Variants in DIP2C observed in about 807,000 individuals in gnomAD.
DIP2C encodes the protein DIP2 acetate--CoA ligase C (putative), also known as disco-interacting protein 2 homolog C.
In DIP2C, 33 loss-of-function variants were observed where a neutral mutation model predicts 192.4. The ratio of observed to expected loss-of-function variants is 0.17; its 90% confidence interval spans 0.13 to 0.23. The LOEUF is 0.23. DIP2C is among the 10% of genes least tolerant of loss of function. The pLI is 1.00. For missense variants in DIP2C, 1,537 were observed against 2,110.1 expected (o/e 0.73, Z 5.32); for synonymous variants, 979 against 864.1 (o/e 1.13, Z -2.33).
chr10:463,851 C>A (rs1337728510), intron 3 of DIP2C, among the ~76,000 whole-genome samples: 1 of 152,112 alleles, frequency 6.6e-6, no homozygotes, highest in Non-Finnish European at 1.5e-5. Flanking sequence ...ACATCTACAA[C>A]CATCTGATCT....
rs56298679 is a variant in DIP2C, at chr10:596,496, C to CAAAAAAAAAA, written c.85+92988_85+92997dup. Among the ~76,000 whole-genome samples the CAAAAAAAAAA allele has an allele frequency of 4.0e-4, 21 of 52,930 alleles. 1 individual carries two copies. The highest frequency in any genetic ancestry group is 1.3e-3 in the African/African-American group (18 of 13,546). 34.7% of individuals were successfully genotyped at this position (52,930 alleles called of 152,430 possible). On this transcript the variant is annotated intron_variant, in intron 1 of 36. Coordinates refer to ENST00000280886, the MANE Select transcript of DIP2C (RefSeq NM_014974.3). Reference sequence around the variant, plus strand: ...GGGCGACCAGTGCGAAACTCCATCTCAAAAAAAAAAAAAAAAAAAAAAAAA... The same window carrying CAAAAAAAAAA: ...GGGCGACCAGTGCGAAACTCCATCTCAAAAAAAAAAAAAAAAAAAAAAAAAAAAAAAAAAA...
intron 1 of DIP2C, among the ~76,000 whole-genome samples, chr10:539,134 G>A (rs1354951288): frequency 4.6e-5 from 7 of 152,178 alleles, no homozygotes; most frequent in Non-Finnish European, 7.3e-5. Context: ...ATCATTCTGT[G>A]GGTTTACTGA....
At chr10:507,090 G>A (rs1288878134) in intron 1 of DIP2C, among the ~76,000 whole-genome samples, 1 of 151,348 alleles carries the variant, frequency 6.6e-6, no homozygotes, top group African/African-American at 2.4e-5. Flanking sequence ...CCGGTCACCC[G>A]CTGTGCACGA....
At chr10:579,343 C>T (rs549044726) in intron 1 of DIP2C, among the ~76,000 whole-genome samples, 10 of 151,654 alleles carry the variant, frequency 6.6e-5, no homozygotes, top group Admixed American at 3.9e-4. Context: ...GCATAGTGTA[C>T]ACACACCCAA....
chr10:602,797 A>G (rs1354210091), intron 1 of DIP2C, among the ~76,000 whole-genome samples: 1 of 152,192 alleles, frequency 6.6e-6, no homozygotes, highest in Non-Finnish European at 1.5e-5. Flanking sequence ...TTCTACCCAG[A>G]ACCAGGGTGT....
At chr10:571,822 C>G (rs1193189008) in intron 1 of DIP2C, among the ~76,000 whole-genome samples, 1 of 152,164 alleles carries the variant, frequency 6.6e-6, no homozygotes, top group African/African-American at 2.4e-5. Flanking sequence ...CCAAGAGGCC[C>G]TGCAAAGCTT....
chr10:397,484 C>T (rs537105283), intron 10 of DIP2C, among the ~76,000 whole-genome samples: 1 of 149,122 alleles, frequency 6.7e-6, no homozygotes, highest in African/African-American at 2.5e-5. Context: ...GAGCTGAAAT[C>T]GTGCCACTGC....
chr10:650,052 T>C (rs1855756317), intron 1 of DIP2C: 2 of 704,256 alleles, frequency 2.8e-6, no homozygotes, highest in Non-Finnish European at 5.3e-6. Flanking sequence ...CTCCTGCATC[T>C]GGGAGCTGCC....
rs536231055 is a variant in DIP2C, at chr10:617,827, C to G, written c.85+71667G>C. ...CAGGCTCTGGTGGGTAACCGCCCCC[C>G]CAGCCCCAGGTGTCTGGGAGGCTCA... On this transcript the variant is annotated intron_variant, in intron 1 of 36. Transcript: ENST00000280886. Among the ~76,000 whole-genome samples the G allele has an allele frequency of 3.3e-5, 5 of 152,314 alleles. No homozygotes were observed. In the East Asian group the frequency reaches 9.7e-4, roughly 29 times the overall value.
At chr10:515,800 A>ACG (rs751248002) in intron 1 of DIP2C, among the ~76,000 whole-genome samples, 6 of 152,074 alleles carry the variant, frequency 3.9e-5, no homozygotes, top group Non-Finnish European at 7.4e-5. Context: ...AAGCAATCAC[A>ACG]CGGCAATGGT....
intron 4 of DIP2C, among the ~76,000 whole-genome samples, chr10:431,965 T>C (rs997854924): frequency 1.7e-4 from 26 of 152,226 alleles, no homozygotes. Flanking sequence ...AGTGTTAGAT[T>C]TTGTCAAATT....
intron 6 of DIP2C, 149 bp downstream of exon 6, chr10:418,916 T>A: frequency 8.2e-7 from 1 of 1,221,972 alleles, no homozygotes; most frequent in South Asian, 1.7e-5. Flanking sequence ...CTAGGCCACC[T>A]TCCATGAGAG....
At chr10:570,519 G>C (rs1158966873) in intron 1 of DIP2C, among the ~76,000 whole-genome samples, 1 of 152,038 alleles carries the variant, frequency 6.6e-6, no homozygotes, top group African/African-American at 2.4e-5. Flanking sequence ...CCGCAGCCCA[G>C]AGGCCTGCGC....
chr10:417,584 G>A (rs913633874), intron 6 of DIP2C, among the ~76,000 whole-genome samples: 8 of 152,026 alleles, frequency 5.3e-5, no homozygotes, highest in Admixed American at 2.0e-4. Flanking sequence ...GTGGCAGTGC[G>A]CCTGTTGGAG....
At chr10:446,549 C>T (rs1373903727) in intron 3 of DIP2C, among the ~76,000 whole-genome samples, 1 of 152,238 alleles carries the variant, frequency 6.6e-6, no homozygotes, top group East Asian at 1.9e-4. Context: ...CTCATGCCTT[C>T]CAAGTCTGTG....
chr10:469,869 C>T (rs1454937731), intron 3 of DIP2C, among the ~76,000 whole-genome samples: 1 of 152,176 alleles, frequency 6.6e-6, no homozygotes, highest in Non-Finnish European at 1.5e-5. Context: ...CCAAATGTGT[C>T]ACACTCCCTC....
intron 17 of DIP2C, among the ~76,000 whole-genome samples, chr10:374,167 G>C (rs549029215): frequency 6.6e-6 from 1 of 152,310 alleles, no homozygotes; most frequent in African/African-American, 2.4e-5. Context: ...GTTACACACA[G>C]TGTTTAGTAA....
intron 1 of DIP2C, among the ~76,000 whole-genome samples, chr10:498,204 C>A (rs1268115840): frequency 1.3e-5 from 2 of 152,146 alleles, no homozygotes; most frequent in African/African-American, 4.8e-5. Flanking sequence ...TTGAGTTTTC[C>A]CAACCTCTTG....
At chr10:682,601 G>A (rs913080482) in intron 1 of DIP2C, among the ~76,000 whole-genome samples, 10 of 152,092 alleles carry the variant, frequency 6.6e-5, no homozygotes, top group East Asian at 5.8e-4. Flanking sequence ...CTCTATGTAC[G>A]TCATGGCTCA....
Sources: gnomAD v4.1 joint callset for allele counts (sites outside exome capture counted in the v4.1 genomes callset) on GRCh38, gnomAD v4.1.1 for gene constraint, MANE v1.5 for transcripts, NCBI Gene and HGNC (gene_info 2026-07-23, HGNC 2026-07-21) for gene names.